The following VDAC1 variants were observed in gnomAD, a reference collection of about 807,000 sequenced individuals.
VDAC1 encodes non-selective voltage-gated ion channel VDAC1.
Under a neutral mutation model 34.7 loss-of-function variants are expected in VDAC1, and 10 were observed. The observed-to-expected ratio is 0.29, with a 90% confidence interval of 0.18 to 0.49. The LOEUF (loss-of-function observed/expected upper bound fraction) is 0.49, where lower values mean the gene tolerates loss of function less well. Ranked by LOEUF, VDAC1 falls within the 20% of genes least tolerant of loss-of-function variation. The probability of loss-of-function intolerance (pLI) is 0.99; values close to 1 mark genes in which losing one functional copy is unlikely to be tolerated. For synonymous variants in VDAC1, 130 were observed against 136.0 expected, an observed-to-expected ratio of 0.96 and a Z score of 0.30; for missense variants, 230 against 347.9, an observed-to-expected ratio of 0.66 and a Z score of 2.69.
the VDAC1 span, among the ~76,000 whole-genome samples, chr5:134,024,558 G>T: frequency 6.7e-6 from 1 of 150,310 alleles, no homozygotes; most frequent in South Asian, 2.1e-4. Flanking sequence ...AAAAAACCTG[G>T]CTAATTCCTC....
At chr5:134,054,325 G>C in the VDAC1 span, among the ~76,000 whole-genome samples, 1 of 152,136 alleles carries the variant, frequency 6.6e-6, no homozygotes, top group African/African-American at 2.4e-5. Flanking sequence ...GCGGCTCAGG[G>C]CTCTCCTGGC....
At chr5:134,046,771 A>T in the VDAC1 span, among the ~76,000 whole-genome samples, 2 of 152,222 alleles carry the variant, frequency 1.3e-5, no homozygotes, top group Non-Finnish European at 2.9e-5. Context: ...AATGTTGTAC[A>T]CAGAGTGGTC....
At chr5:134,061,547 T>A in the VDAC1 span, among the ~76,000 whole-genome samples, 5 of 151,492 alleles carry the variant, frequency 3.3e-5, no homozygotes, top group Non-Finnish European at 7.4e-5. Context: ...AATTTTAAAA[T>A]TTTTTTGTAG....
the VDAC1 span, among the ~76,000 whole-genome samples, chr5:134,088,020 T>C: frequency 6.6e-6 from 1 of 150,760 alleles, no homozygotes; most frequent in Non-Finnish European, 1.5e-5. Flanking sequence ...CCGGGCGTTG[T>C]AGCGCGTGCC....
intron 1 of VDAC1, among the ~76,000 whole-genome samples, chr5:134,000,180 T>C (rs562316085): frequency 1.3e-5 from 2 of 152,190 alleles, no homozygotes; most frequent in Non-Finnish European, 2.9e-5. Context: ...GGGGAACAGT[T>C]CCTGGTTCAA....
the VDAC1 span, among the ~76,000 whole-genome samples, chr5:134,078,937 C>T: frequency 2.0e-5 from 3 of 151,534 alleles, no homozygotes; most frequent in Non-Finnish European, 4.4e-5. Context: ...AGGCGTGAGC[C>T]ACTGTGCCCG....
At chr5:133,990,668 T>C (rs879825413) in intron 5 of VDAC1, among the ~76,000 whole-genome samples, 187 bp downstream of exon 5, 3 of 152,146 alleles carry the variant, frequency 2.0e-5, no homozygotes, top group Admixed American at 6.5e-5. Flanking sequence ...CATTATAGCA[T>C]AGTCTGTTAG....
At chr5:134,010,762 C>T in the VDAC1 span, among the ~76,000 whole-genome samples, 5 of 152,174 alleles carry the variant, frequency 3.3e-5, no homozygotes, top group Non-Finnish European at 7.3e-5. Flanking sequence ...CCACATCCTA[C>T]TCACTGGAAC....
At chr5:134,007,041 C>T (rs1312076252), upstream of VDAC1, among the ~76,000 whole-genome samples, 7 of 151,854 alleles carry the variant, frequency 4.6e-5, no homozygotes, top group Non-Finnish European at 1.0e-4. Flanking sequence ...GTCGGGAGTT[C>T]GAGACCAGCC....
rs1752316742 is a variant in VDAC1 at position 133,972,130 on chromosome 5, T to A, written c.*641A>T. The A allele has an allele frequency of 6.5e-6, 1 of 153,032 alleles. No individual in the cohort carries two copies. The highest frequency in any genetic ancestry group is 2.1e-4 in the South Asian group (1 of 4,836). The allele number at this position is 153,032 out of a possible 1,614,324, so 9.5% of individuals were successfully genotyped here. A position where few individuals can be genotyped will look rare whatever the true frequency, so the allele number is the denominator to read the frequency against. Reference sequence around the variant, plus strand: ...ACACAGACACTTCCAAGCTTATAGCTGGAGCTCCTGGAAGCTATTTCATAC... The same window carrying A: ...ACACAGACACTTCCAAGCTTATAGCAGGAGCTCCTGGAAGCTATTTCATAC... On this transcript the variant is annotated 3_prime_UTR_variant, in exon 9 of 9. Coordinates refer to ENST00000265333, the MANE Select transcript of VDAC1 (RefSeq NM_003374.3).
chr5:134,096,220 C>T, the VDAC1 span, among the ~76,000 whole-genome samples: 1 of 152,256 alleles, frequency 6.6e-6, no homozygotes, highest in Non-Finnish European at 1.5e-5. Context: ...CCTCCCCAGG[C>T]CCCACTGACA....
chr5:134,095,647 C>A, the VDAC1 span, among the ~76,000 whole-genome samples: 1 of 151,980 alleles, frequency 6.6e-6, no homozygotes, highest in East Asian at 1.9e-4. Context: ...ACGTTGCCAT[C>A]CCCTCCCACT....
At chr5:134,038,239 T>C in the VDAC1 span, among the ~76,000 whole-genome samples, 1 of 152,224 alleles carries the variant, frequency 6.6e-6, no homozygotes, top group East Asian at 1.9e-4. Flanking sequence ...GAAAGGCCTC[T>C]GACATTACAG....
the VDAC1 span, among the ~76,000 whole-genome samples, chr5:134,033,899 G>A: frequency 6.6e-6 from 1 of 152,026 alleles, no homozygotes; most frequent in South Asian, 2.1e-4. Context: ...GGCTGAGGCA[G>A]GAGAACGGCA....
At chr5:134,096,001 G>A in the VDAC1 span, among the ~76,000 whole-genome samples, 3 of 152,156 alleles carry the variant, frequency 2.0e-5, no homozygotes, top group Admixed American at 6.6e-5. Flanking sequence ...TCACCCTCCC[G>A]CTCTCAGCTT....
intron 1 of VDAC1, among the ~76,000 whole-genome samples, chr5:133,999,773 A>C (rs1753469562): frequency 6.6e-6 from 1 of 152,162 alleles, no homozygotes; most frequent in South Asian, 2.1e-4. Flanking sequence ...TGGATTACCA[A>C]GTGTAAGTGT....
At chr5:134,075,277 T>A in the VDAC1 span, among the ~76,000 whole-genome samples, 944 of 152,352 alleles carry the variant, frequency 6.2e-3, 10 homozygotes, top group African/African-American at 0.022. Flanking sequence ...CACACTGCTA[T>A]CTGCATGCTA....
the VDAC1 span, among the ~76,000 whole-genome samples, chr5:134,062,635 T>C: frequency 6.6e-6 from 1 of 151,722 alleles, no homozygotes; most frequent in Non-Finnish European, 1.5e-5. Flanking sequence ...TTGTTTTTGT[T>C]TCTTTGTTTG....
chr5:134,006,194 A>G (rs372474995), upstream of VDAC1, among the ~76,000 whole-genome samples: 8 of 152,042 alleles, frequency 5.3e-5, no homozygotes, highest in African/African-American at 1.9e-4. Context: ...GGAGTGTAGG[A>G]CGGATTCTAT....
Sources: allele counts gnomAD v4.1 joint callset (sites outside exome capture counted in the v4.1 genomes callset), GRCh38; gene constraint gnomAD v4.1.1; transcripts MANE v1.5; gene names NCBI Gene and HGNC (gene_info 2026-07-23, HGNC 2026-07-21).